Variants in STARD3NL observed in about 807,000 individuals in gnomAD.
STARD3NL encodes the protein STARD3 N-terminal-like protein.
Under a neutral mutation model 30.9 loss-of-function variants are expected in STARD3NL, and 17 were observed. The observed-to-expected ratio is 0.55, with a 90% CI of 0.38 to 0.82. STARD3NL has a LOEUF of 0.82. STARD3NL is among the 40% of genes least tolerant of loss of function. The pLI, the probability that STARD3NL is intolerant of heterozygous loss-of-function variation, is 0.00. For missense variants in STARD3NL, 234 were observed against 277.6 expected, an observed-to-expected ratio of 0.84 and a Z score of 1.12; for synonymous variants, 112 against 100.5, an observed-to-expected ratio of 1.11 and a Z score of -0.69.
At position 38,228,324 on chromosome 7, in the gene STARD3NL, C is replaced by G. The variant is rs561245804; in HGVS notation, c.650-475C>G. Reference sequence around the variant, plus strand: ...ATGACCAGGTCAAATCTAGGAATATCCTGAAGCTCATGAGACATTGATCCA... The same window carrying G: ...ATGACCAGGTCAAATCTAGGAATATGCTGAAGCTCATGAGACATTGATCCA... On this transcript the variant is annotated intron_variant, in intron 7 of 8. Transcript: ENST00000009041. 2.0e-5 allele frequency among the ~76,000 whole-genome samples: 3 copies of G among 152,300 alleles called. No homozygotes were observed. The South Asian group carries it at 6.2e-4, about 32-fold the overall frequency.
chr7:38,182,196 CT>C (rs1447956324), intron 1 of STARD3NL, among the ~76,000 whole-genome samples: 1 of 152,092 alleles, frequency 6.6e-6, no homozygotes, highest in Non-Finnish European at 1.5e-5. Context: ...TTTATTTACA[CT>C]TTTATCATCT....
chr7:38,210,121 C>T (rs1583810799), intron 2 of STARD3NL, among the ~76,000 whole-genome samples: 1 of 152,274 alleles, frequency 6.6e-6, no homozygotes, highest in Non-Finnish European at 1.5e-5. Flanking sequence ...TGTTGTCTCT[C>T]TGTAACTCTC....
chr7:38,215,092 G>A lies in STARD3NL; in HGVS notation c.368G>A (p.Trp123Ter). The A allele has an allele frequency of 1.2e-6, 2 of 1,613,944 alleles. No homozygotes were observed. Among genetic ancestry groups the A allele is most frequent in the Non-Finnish European group, 1.7e-6 (2 of 1,179,932 alleles). ...LAYAVCRLRH[W>*]WAIALTTAVT... ...TATGCTGTGTGCAGACTGCGCCATT[G>A]GTGGGCAATAGCGGTGAGTATGCCC... Residue 123 changes from tryptophan (W) to a stop codon, truncating the protein, a stop_gained, in exon 4 of 9, where the codon TGG (tryptophan) becomes TAG (stop). Transcript: ENST00000009041. LOFTEE classifies it high-confidence loss of function.
chr7:38,202,259 G>A (rs932746241), intron 1 of STARD3NL: 2 of 152,148 alleles, frequency 1.3e-5, no homozygotes, highest in African/African-American at 4.8e-5. Flanking sequence ...TGCTTAAGTG[G>A]CTTCTTACTG....
At chr7:38,226,840 T>C (rs1426905762) in intron 7 of STARD3NL, among the ~76,000 whole-genome samples, 1 of 152,180 alleles carries the variant, frequency 6.6e-6, no homozygotes, top group Non-Finnish European at 1.5e-5. Flanking sequence ...ACTGAGTAGC[T>C]TTACTGCCAG....
Position 38,207,605 on chromosome 7 carries a change from T to G in STARD3NL, c.101T>G (p.Met34Arg), listed in dbSNP as rs1417888575. Residue 34 changes from methionine to arginine, a missense_variant, in exon 2 of 9, where the codon ATG (methionine) becomes AGG (arginine). Coordinates refer to ENST00000009041, the MANE Select transcript of STARD3NL (RefSeq NM_032016.4). ...CATTCCATCAACCCCACACAACTCA[T>G]GGCCAGGATTGAGTCCTATGAAGGA... ...NIHSINPTQL[M>R]ARIESYEGRE... 1.2e-6 allele frequency: 2 copies of G among 1,614,058 alleles called. No individual in the cohort carries two copies. The highest frequency in any genetic ancestry group is 1.7e-6 in the Non-Finnish European group (2 of 1,179,962).
intron 1 of STARD3NL, among the ~76,000 whole-genome samples, chr7:38,197,412 G>A (rs934346289): frequency 6.6e-6 from 1 of 151,828 alleles, no homozygotes; most frequent in African/African-American, 2.4e-5. Flanking sequence ...ATTTTGAAGA[G>A]ATGAGGACTC....
chr7:38,213,141 A>C (rs1785905355), intron 2 of STARD3NL, among the ~76,000 whole-genome samples: 1 of 152,150 alleles, frequency 6.6e-6, no homozygotes, highest in African/African-American at 2.4e-5. Context: ...TGTTTGCTGT[A>C]GGCCGCTTGG....
chr7:38,213,748 G>A (rs527406383), intron 2 of STARD3NL, among the ~76,000 whole-genome samples: 6 of 152,218 alleles, frequency 3.9e-5, no homozygotes, highest in Admixed American at 6.5e-5. Context: ...AGCATTGGGA[G>A]AGGACAGAAA....
chr7:38,201,440 A>T (rs1433590393), intron 1 of STARD3NL, among the ~76,000 whole-genome samples: 1 of 152,180 alleles, frequency 6.6e-6, no homozygotes, highest in Non-Finnish European at 1.5e-5. Context: ...TGTGGAAGGA[A>T]AAAGGAGTGA....
At chr7:38,190,473 T>C (rs1468345176) in intron 1 of STARD3NL, among the ~76,000 whole-genome samples, 1 of 152,216 alleles carries the variant, frequency 6.6e-6, no homozygotes, top group Non-Finnish European at 1.5e-5. Flanking sequence ...GTGTATATAC[T>C]GTGTATAGAT....
At chr7:38,207,786 T>G (rs1785576516) in intron 2 of STARD3NL, 57 bp downstream of exon 2, 1 of 1,507,994 alleles carries the variant, frequency 6.6e-7, no homozygotes, top group African/African-American at 1.4e-5. Flanking sequence ...ACAACAGGGT[T>G]TTTTTGTTCG....
rs577189426 is a variant in STARD3NL at position 38,221,880 on chromosome 7, C to A, written c.649+2220C>A. ...CAGCCATTGTCCACCTTGCTGTTTC[C>A]ATTCTGAGCATGATCTCCTCTGCAA... On this transcript the variant is annotated intron_variant, in intron 7 of 8. Coordinates refer to ENST00000009041, the MANE Select transcript of STARD3NL (RefSeq NM_032016.4). 8.5e-5 allele frequency among the ~76,000 whole-genome samples: 13 copies of A among 152,294 alleles called. No individual in the cohort carries two copies. The South Asian group carries it at 2.1e-3, about 24-fold the overall frequency.
At position 38,228,821 on chromosome 7, in the gene STARD3NL, A is replaced by G. The variant is rs779251780; in HGVS notation, c.672A>G (p.Lys224=). ...TAGGATCTGAAGAAGCTGAAGAAAA[A>G]CAGGACAGTGAGAAACCACTTTTAG... ...SEAGSEEAEE[K]QDSEKPLLEL Residue 224 remains lysine (K), a synonymous_variant, in exon 8 of 9, where the codon AAA becomes AAG. Coordinates refer to ENST00000009041, the MANE Select transcript of STARD3NL (RefSeq NM_032016.4). The G allele has an allele frequency of 8.7e-6, 14 of 1,612,870 alleles. No individual in the cohort carries two copies. The Admixed American group carries it at 2.0e-4, about 23-fold the overall frequency.
At chr7:38,199,637 G>A (rs1481118882) in intron 1 of STARD3NL, among the ~76,000 whole-genome samples, 2 of 152,162 alleles carry the variant, frequency 1.3e-5, no homozygotes, top group Non-Finnish European at 2.9e-5. Flanking sequence ...TTGGAATATG[G>A]GGAGCATTCA....
intron 7 of STARD3NL, among the ~76,000 whole-genome samples, chr7:38,225,551 T>C (rs1240336306): frequency 2.1e-5 from 3 of 145,904 alleles, no homozygotes; most frequent in Admixed American, 1.4e-4. Flanking sequence ...CTCTTGCTTT[T>C]GGATACTCAG....
chr7:38,186,882 A>AG (rs978334069), intron 1 of STARD3NL, among the ~76,000 whole-genome samples: 3 of 152,186 alleles, frequency 2.0e-5, no homozygotes, highest in South Asian at 2.1e-4. Context: ...AAGCTGAGAA[A>AG]GGGGGAAAAA....
intron 1 of STARD3NL, among the ~76,000 whole-genome samples, chr7:38,202,798 C>T (rs950164751): frequency 6.8e-6 from 1 of 146,804 alleles, no homozygotes; most frequent in Admixed American, 7.0e-5. Context: ...TGTTCAATTC[C>T]CACCTATGAG....
chr7:38,218,069 TCTC>T (rs1786226885), intron 6 of STARD3NL, among the ~76,000 whole-genome samples: 1 of 152,158 alleles, frequency 6.6e-6, no homozygotes, highest in African/African-American at 2.4e-5. Flanking sequence ...CTGAAATTCT[TCTC>T]CACATAATGT....
Sources: gnomAD v4.1 joint callset for allele counts (sites outside exome capture counted in the v4.1 genomes callset) on GRCh38, gnomAD v4.1.1 for gene constraint, MANE v1.5 for transcripts, NCBI Gene and HGNC (gene_info 2026-07-23, HGNC 2026-07-21) for gene names.